RAD51B: variants seen among roughly 807,000 people sequenced by gnomAD.
RAD51B encodes the protein RAD51 paralog B, also known as DNA repair protein RAD51 homolog 2.
In RAD51B, 38 loss-of-function variants were observed where a neutral mutation model predicts 42.2. The observed-to-expected ratio is 0.90, with a 90% CI of 0.70 to 1.18. RAD51B has a LOEUF of 1.18. Ranked by LOEUF, RAD51B falls within the 50% of genes most tolerant of loss-of-function variation. The pLI, the probability that RAD51B is intolerant of heterozygous loss-of-function variation, is 0.00. For synonymous variants in RAD51B, 154 were observed against 145.2 expected (o/e 1.06, Z -0.43); for missense variants, 373 against 400.7 (o/e 0.93, Z 0.59).
At chr14:68,446,036 C>G (rs2085412328) in intron 9 of RAD51B, among the ~76,000 whole-genome samples, 2 of 152,174 alleles carry the variant, frequency 1.3e-5, no homozygotes, top group South Asian at 2.1e-4. Flanking sequence ...TCTTTCCTAC[C>G]CATTTCTACT....
intron 7 of RAD51B, among the ~76,000 whole-genome samples, chr14:68,050,992 G>A (rs2076383936): frequency 6.6e-6 from 1 of 151,430 alleles, no homozygotes; most frequent in South Asian, 2.1e-4. Context: ...GATTGGATGA[G>A]CAGATATTAA....
At chr14:68,561,124 T>C (rs1012353752) in intron 10 of RAD51B, among the ~76,000 whole-genome samples, 2 of 152,142 alleles carry the variant, frequency 1.3e-5, no homozygotes, top group Admixed American at 1.3e-4. Context: ...CCTGACTTCC[T>C]TTCACCCCAG....
At chr14:68,406,906 A>G (rs897076252) in intron 8 of RAD51B, among the ~76,000 whole-genome samples, 9 of 152,142 alleles carry the variant, frequency 5.9e-5, no homozygotes, top group Admixed American at 5.9e-4. Flanking sequence ...GCCTAGGACT[A>G]CACAGGATCA....
At chr14:68,514,536 G>T (rs184218311) in intron 10 of RAD51B, among the ~76,000 whole-genome samples, 15 of 152,300 alleles carry the variant, frequency 9.8e-5, no homozygotes, top group African/African-American at 2.4e-4. Flanking sequence ...CTGGCTAAAA[G>T]TTCCTCCTGT....
intron 8 of RAD51B, among the ~76,000 whole-genome samples, chr14:68,350,543 A>C (rs990534596): frequency 2.0e-5 from 3 of 152,170 alleles, no homozygotes; most frequent in African/African-American, 7.2e-5. Context: ...CCCTTCCCCG[A>C]GTCTTAGCAT....
At chr14:68,029,426 G>A (rs558175044) in intron 7 of RAD51B, among the ~76,000 whole-genome samples, 3 of 152,158 alleles carry the variant, frequency 2.0e-5, no homozygotes, top group Non-Finnish European at 4.4e-5. Flanking sequence ...GCCAGGAGTA[G>A]TTTCCATCTC....
At chr14:67,968,493 T>C (rs915820760) in intron 7 of RAD51B, among the ~76,000 whole-genome samples, 2 of 152,224 alleles carry the variant, frequency 1.3e-5, no homozygotes, top group African/African-American at 4.8e-5. Flanking sequence ...GCTTTGCTGC[T>C]TAGAAATTTC....
intron 7 of RAD51B, among the ~76,000 whole-genome samples, chr14:68,208,319 G>C (rs1425028675): frequency 6.6e-6 from 1 of 152,160 alleles, no homozygotes; most frequent in Non-Finnish European, 1.5e-5. Flanking sequence ...TGTTGTGCCT[G>C]CTGGGCCTCA....
intron 7 of RAD51B, among the ~76,000 whole-genome samples, chr14:68,185,360 TTCA>T (rs2079137011): frequency 1.3e-5 from 2 of 152,194 alleles, no homozygotes; most frequent in Non-Finnish European, 2.9e-5. Flanking sequence ...ATCTCTTGAA[TTCA>T]TCATTTCAGT....
At chr14:68,378,349 G>A (rs763333089) in intron 8 of RAD51B, among the ~76,000 whole-genome samples, 1 of 152,136 alleles carries the variant, frequency 6.6e-6, no homozygotes, top group Non-Finnish European at 1.5e-5. Flanking sequence ...TTAAGACTCA[G>A]ATCATTTAAT....
intron 7 of RAD51B, among the ~76,000 whole-genome samples, chr14:68,146,349 C>G (rs2078248527): frequency 6.6e-6 from 1 of 152,064 alleles, no homozygotes; most frequent in African/African-American, 2.4e-5. Flanking sequence ...ACTCAGGAGG[C>G]TGAGGCAGGA....
chr14:68,256,358 GGTGTCT>G (rs1230701882), intron 7 of RAD51B, among the ~76,000 whole-genome samples: 1 of 152,058 alleles, frequency 6.6e-6, no homozygotes, highest in Non-Finnish European at 1.5e-5. Flanking sequence ...GGTGGATTCG[GGTGTCT>G]GTAGTCACCC....
chr14:68,290,927 C>T (rs1474163845), intron 7 of RAD51B, among the ~76,000 whole-genome samples: 1 of 152,006 alleles, frequency 6.6e-6, no homozygotes, highest in East Asian at 1.9e-4. Flanking sequence ...CTGTCTCAGC[C>T]TCCTGAGTAG....
intron 10 of RAD51B, chr14:68,562,200 C>T (rs928807571): frequency 1.0e-6 from 1 of 985,422 alleles, no homozygotes. Flanking sequence ...CCAAGTGACC[C>T]TGCCTCACCA....
At chr14:68,622,717 C>T (rs4899248) in intron 10 of RAD51B, among the ~76,000 whole-genome samples, 1,457 of 86,304 alleles carry the variant, frequency 0.017, 24 homozygotes, top group African/African-American at 0.07. Flanking sequence ...TTAATGTATC[C>T]ATTTACAAAA....
At chr14:68,166,830 GCT>G (rs1284161035) in intron 7 of RAD51B, among the ~76,000 whole-genome samples, 2 of 152,054 alleles carry the variant, frequency 1.3e-5, no homozygotes, top group East Asian at 1.9e-4. Context: ...TCCTGAATTT[GCT>G]CTCTCTGTGA....
At chr14:68,323,916 A>G (rs564165180) in intron 8 of RAD51B, among the ~76,000 whole-genome samples, 2 of 152,320 alleles carry the variant, frequency 1.3e-5, no homozygotes, top group African/African-American at 2.4e-5. Flanking sequence ...TTCAGATTCC[A>G]TGAGAGCATG....
chr14:67,864,999 T>TTTTTTTTTG lies in RAD51B; in HGVS notation c.316-3_316-2insTTTTTTTGT. 2 of 1,256,492 alleles carry TTTTTTTTTG rather than the reference T, an allele frequency of 1.6e-6. No homozygotes were observed. The highest frequency in any genetic ancestry group is 2.0e-6 in the Non-Finnish European group (2 of 987,688). The allele number at this position is 1,256,492 out of a possible 1,614,324, so 77.8% of individuals were successfully genotyped here. A position where few individuals can be genotyped will look rare whatever the true frequency, so the allele number is the denominator to read the frequency against. On this transcript the variant is annotated splice_region_variant and splice_polypyrimidine_tract_variant and intron_variant, in intron 4 of 10. Transcript: ENST00000471583. ...TTTTTTTTTTTTTTTTTTTTTTTTT[T>TTTTTTTTTG]TAGATTACAGGTCCACCAGGTTGTG...
rs141024364 is a variant in RAD51B at position 68,522,593 on chromosome 14, G to A, written c.1036+54343G>A. Among the ~76,000 whole-genome samples the A allele has an allele frequency of 2.3e-3, 356 of 152,308 alleles. 1 individual carries two copies. Among genetic ancestry groups the A allele is most frequent in the Middle Eastern group, 3.4e-3 (1 of 294 alleles). ...TCTGATTTCAAGCATGTACCGGCTC[G>A]TGTGTGGAAGACAGTAATTACCTCC... On this transcript the variant is annotated intron_variant, in intron 10 of 10. Transcript: ENST00000487270.
Sources: gnomAD v4.1 joint callset for allele counts (sites outside exome capture counted in the v4.1 genomes callset) on GRCh38, gnomAD v4.1.1 for gene constraint, MANE v1.5 for transcripts, NCBI Gene and HGNC (gene_info 2026-07-23, HGNC 2026-07-21) for gene names.